Variants in SLC7A5 observed in about 807,000 individuals in gnomAD.
SLC7A5 encodes large neutral amino acids transporter small subunit 1.
Under a neutral mutation model 50.2 loss-of-function variants are expected in SLC7A5, and 23 were observed. The ratio of observed to expected loss-of-function variants is 0.46; its 90% confidence interval spans 0.33 to 0.65. The LOEUF is 0.65. SLC7A5 is among the 30% of genes least tolerant of loss of function. The pLI is 0.02. For missense variants in SLC7A5, 578 were observed against 684.4 expected (o/e 0.84, Z 1.73); for synonymous variants, 393 against 330.6 (o/e 1.19, Z -2.05).
chr16:87,865,520 C>A, intron 1 of SLC7A5, among the ~76,000 whole-genome samples: 1 of 151,768 alleles, frequency 6.6e-6, no homozygotes, highest in Non-Finnish European at 1.5e-5. Flanking sequence ...ACAAGCCTGG[C>A]CAACATGGTG....
rs748765220 is a variant in SLC7A5 at position 87,836,529 on chromosome 16, T to C, written c.1259A>G (p.His420Arg). 1.2e-6 allele frequency: 2 copies of C among 1,612,956 alleles called. No homozygotes were observed. The highest frequency in any genetic ancestry group is 1.7e-6 in the Non-Finnish European group (2 of 1,180,000). The change falls in exon 8 of 10, where the codon CAC becomes CGC. Residue 420 changes from histidine to arginine, a missense_variant. Physicochemically the swap from His to Arg is conservative, Grantham distance 29. Around this residue, in one of 2 missense-constraint regions of SLC7A5, gnomAD observed 465 missense variants for 594.6 expected, o/e 0.78. Coordinates refer to ENST00000261622, the MANE Select transcript of SLC7A5 (RefSeq NM_003486.7). ...GGGCCGCTCAAGCTCAGGCTTTCTG[T>C]GGCGCAGCCAGATCATGCCGATGAT... The part of the protein sequence containing the change: ...LAIIGMIWLR[H>R]RKPELERPIK...
chr16:87,867,898 A>G (rs542347984), intron 1 of SLC7A5, among the ~76,000 whole-genome samples: 210 of 152,086 alleles, frequency 1.4e-3, no homozygotes, highest in Admixed American at 4.8e-3. Context: ...GGCGGATCAC[A>G]AGGTCAGGAG....
intron 5 of SLC7A5, among the ~76,000 whole-genome samples, 187 bp from the exon 6 acceptor site, chr16:87,839,004 C>A (rs535301611): frequency 2.0e-5 from 3 of 152,348 alleles, no homozygotes; most frequent in East Asian, 3.9e-4. Context: ...TCCAGTGACC[C>A]CTGCCCAGCC....
intron 1 of SLC7A5, among the ~76,000 whole-genome samples, chr16:87,865,777 A>G (rs548192059): frequency 3.9e-5 from 6 of 152,282 alleles, no homozygotes; most frequent in Admixed American, 3.3e-4. Context: ...TAAATCCAGG[A>G]ACGCGTGACT....
chr16:87,843,324 T>G (rs1463496361), intron 2 of SLC7A5, among the ~76,000 whole-genome samples: 1 of 145,020 alleles, frequency 6.9e-6, no homozygotes, highest in African/African-American at 2.5e-5. Context: ...AGCCAGATAT[T>G]GGCAGCCCTA....
At chr16:87,838,893 G>A (rs2055046877) in intron 5 of SLC7A5, 76 bp from the exon 6 acceptor site, 2 of 1,073,444 alleles carry the variant, frequency 1.9e-6, no homozygotes, top group South Asian at 1.3e-5. Flanking sequence ...GGAGCCCTCT[G>A]CACCGGGCCA....
rs2055508014 is a variant in SLC7A5 at position 87,869,494 on chromosome 16, G to A, written c.-72C>T. The A allele has an allele frequency of 9.0e-7, 1 of 1,108,256 alleles. No individual in the cohort carries two copies. The highest frequency in any genetic ancestry group is 1.1e-6 in the Non-Finnish European group (1 of 901,362). 68.7% of individuals were successfully genotyped at this position (1,108,256 alleles called of 1,614,324 possible). On this transcript the variant is annotated 5_prime_UTR_variant, in exon 1 of 10. Coordinates refer to ENST00000261622, the MANE Select transcript of SLC7A5 (RefSeq NM_003486.7). Reference sequence around the variant, plus strand: ...GCGAGCAGTGTGCGCGCCGCCCGCCGCCCGCAGCTGCGTCAGGAACCCCGC... The same window carrying A: ...GCGAGCAGTGTGCGCGCCGCCCGCCACCCGCAGCTGCGTCAGGAACCCCGC...
intron 8 of SLC7A5, among the ~76,000 whole-genome samples, chr16:87,835,112 C>T (rs1427225515): frequency 6.6e-6 from 1 of 152,280 alleles, no homozygotes; most frequent in African/African-American, 2.4e-5. Flanking sequence ...GCCTGCAGGC[C>T]GCAACCTGCG....
chr16:87,833,142 C>T lies in SLC7A5; in HGVS notation c.1469-117G>A, dbSNP rs2054953922. 2 of 852,794 alleles carry T rather than the reference C, an allele frequency of 2.3e-6. No individual in the cohort carries two copies. The highest frequency in any genetic ancestry group is 1.7e-5 in the African/African-American group (1 of 59,932). 52.8% of individuals were successfully genotyped at this position (852,794 alleles called of 1,614,324 possible). ...TGTCACCAAACCCAGCGCCGCTGCC[C>T]AGCGCTGGGATTTTAAGGAACCTTC... is the stretch of plus-strand genomic sequence containing the variant. On this transcript the variant is annotated intron_variant, in intron 9 of 9. Transcript: ENST00000261622. This position sits in a 1 kb window ranked among gnomAD's most constrained non-coding sequence, Gnocchi z 6.0.
Position 87,860,341 on chromosome 16 carries a change from T to TATAC in SLC7A5, c.539-8493_539-8492insGTAT, listed in dbSNP as rs1240902402. Among the ~76,000 whole-genome samples, 5 of 86,182 alleles carry TATAC rather than the reference T, an allele frequency of 5.8e-5. No homozygotes were observed. The highest frequency in any genetic ancestry group is 2.0e-4 in the African/African-American group (4 of 19,934). 56.5% of individuals were successfully genotyped at this position (86,182 alleles called of 152,430 possible). Reference sequence around the variant, plus strand: ...AAAGCATCTCAAAAAAAAAAAAAAATACACACACACACACACACACACACA... The same window carrying TATAC: ...AAAGCATCTCAAAAAAAAAAAAAAATATACACACACACACACACACACACACACA... On this transcript the variant is annotated intron_variant, in intron 1 of 9. Transcript: ENST00000261622. This position sits in a 1 kb window ranked among gnomAD's most constrained non-coding sequence, Gnocchi z 4.8.
intron 1 of SLC7A5, among the ~76,000 whole-genome samples, chr16:87,866,734 G>A (rs2055466346): frequency 6.6e-6 from 1 of 152,006 alleles, no homozygotes; most frequent in African/African-American, 2.4e-5. Context: ...CCCAAGTGCT[G>A]GGATTACAGG....
chr16:87,860,395 CACACATATAT>C lies in SLC7A5; in HGVS notation c.538+8480_538+8489del, dbSNP rs2055381429. Among the ~76,000 whole-genome samples, 1 of 65,710 alleles carries C rather than the reference CACACATATAT, an allele frequency of 1.5e-5. No individual in the cohort carries two copies. Among genetic ancestry groups the C allele is most frequent in the African/African-American group, 5.7e-5 (1 of 17,418 alleles). The allele number at this position is 65,710 out of a possible 152,430, so 43.1% of individuals were successfully genotyped here. On this transcript the variant is annotated intron_variant, in intron 1 of 9. Coordinates refer to ENST00000261622, the MANE Select transcript of SLC7A5 (RefSeq NM_003486.7). The surrounding 1 kb of genome is among the most constrained non-coding windows in gnomAD (Gnocchi z 4.8). ...ACACACACACACACACACACACACA[CACACATATAT>C]ATATAAAGAAAAAGGAAATCTTCGA...
Position 87,869,282 on chromosome 16 carries a change from C to T in SLC7A5, c.141G>A (p.Gln47=). 1.9e-6 allele frequency: 3 copies of T among 1,612,158 alleles called. No individual in the cohort carries two copies. Among genetic ancestry groups the T allele is most frequent in the Non-Finnish European group, 2.5e-6 (3 of 1,179,820 alleles). The part of the protein sequence containing the change: ...PAGEGEGVTL[Q]RNITLLNGVA... Reference sequence around the variant, plus strand: ...CGCCGTTGAGCAGCGTGATGTTCCGCTGCAGGGTCACGCCCTCGCCCTCGC... The same window carrying T: ...CGCCGTTGAGCAGCGTGATGTTCCGTTGCAGGGTCACGCCCTCGCCCTCGC... The change falls in exon 1 of 10, where the codon CAG becomes CAA. Residue 47 remains glutamine, a synonymous_variant. Coordinates refer to ENST00000261622, the MANE Select transcript of SLC7A5 (RefSeq NM_003486.7).
Position 87,862,083 on chromosome 16 carries a change from G to A in SLC7A5, c.538+6802C>T, listed in dbSNP as rs559701818. Among the ~76,000 whole-genome samples, 18 of 152,296 alleles carry A rather than the reference G, an allele frequency of 1.2e-4. No homozygotes were observed. Among genetic ancestry groups the A allele is most frequent in the African/African-American group, 3.1e-4 (13 of 41,560 alleles). On this transcript the variant is annotated intron_variant, in intron 1 of 9. Transcript: ENST00000261622. This position sits in a 1 kb window ranked among gnomAD's most constrained non-coding sequence, Gnocchi z 5.3. The stretch of plus-strand genomic sequence containing the variant: ...GTGCAGGGATCCCAAAACCCAACCC[G>A]GGGCCAGGTTTTACACAGGCCTGGA...
chr16:87,851,906 G>T (rs890107825), intron 1 of SLC7A5, 57 bp from the exon 2 acceptor site: 3 of 1,609,598 alleles, frequency 1.9e-6, no homozygotes, highest in South Asian at 2.2e-5. Flanking sequence ...CAGCTCAGGG[G>T]TAGGCTGGGA....
At chr16:87,844,283 C>G (rs901706176) in intron 2 of SLC7A5, among the ~76,000 whole-genome samples, 2 of 152,130 alleles carry the variant, frequency 1.3e-5, no homozygotes, top group African/African-American at 4.8e-5. Flanking sequence ...AAACTGCAAA[C>G]GCCGCGGCGA....
At chr16:87,836,753 AC>A in intron 7 of SLC7A5, 106 bp from the exon 8 acceptor site, 1 of 1,229,576 alleles carries the variant, frequency 8.1e-7, no homozygotes, top group Non-Finnish European at 1.2e-6. Context: ...CCAGCTGAGC[AC>A]CAGGGAATTT....
chr16:87,837,701 T>C, intron 7 of SLC7A5, 144 bp downstream of exon 7: 1 of 653,248 alleles, frequency 1.5e-6, no homozygotes, highest in Non-Finnish European at 2.7e-6. Context: ...CTCTCTGGCA[T>C]TCAGCGGAGC....
chr16:87,835,769 C>T (rs879689489), intron 8 of SLC7A5, among the ~76,000 whole-genome samples: 18 of 152,180 alleles, frequency 1.2e-4, no homozygotes, highest in South Asian at 2.1e-4. Flanking sequence ...CCACCGCGCC[C>T]AGCCTAAAGC....
Sources: gnomAD v4.1 joint callset for allele counts (sites outside exome capture counted in the v4.1 genomes callset) on GRCh38, gnomAD v4.1.1 for gene constraint, gnomAD v4.1.1 regional missense constraint, Gnocchi (gnomAD v3.1) non-coding constraint, MANE v1.5 for transcripts, NCBI Gene and HGNC (gene_info 2026-07-23, HGNC 2026-07-21) for gene names.